Variants in ABL1 observed in about 807,000 individuals in gnomAD.
ABL1 encodes the protein tyrosine-protein kinase ABL1.
A neutral mutation model predicts 94.7 loss-of-function variants in ABL1; 11 were observed. The ratio of observed to expected loss-of-function variants is 0.12; its 90% CI spans 0.07 to 0.19. ABL1 has a LOEUF of 0.19. Ranked by LOEUF, ABL1 falls within the 10% of genes least tolerant of loss-of-function variation. The probability of loss-of-function intolerance (pLI) is 1.00; values close to 1 mark genes in which losing one functional copy is unlikely to be tolerated. For missense variants in ABL1, 1,082 were observed against 1,489.4 expected, an observed-to-expected ratio of 0.73 and a Z score of 4.50; for synonymous variants, 656 against 622.4, an observed-to-expected ratio of 1.05 and a Z score of -0.80.
At chr9:130,714,674 C>G (rs576885729) in intron 1 of ABL1, among the ~76,000 whole-genome samples, 4 of 152,292 alleles carry the variant, frequency 2.6e-5, no homozygotes, top group Admixed American at 2.6e-4. Flanking sequence ...TATTTCTTGC[C>G]TGATTCCTCT....
At chr9:130,738,151 T>C (rs1831769454) in intron 1 of ABL1, among the ~76,000 whole-genome samples, 1 of 152,094 alleles carries the variant, frequency 6.6e-6, no homozygotes, top group African/African-American at 2.4e-5. Flanking sequence ...TGGTGGTCTA[T>C]TAGGAGAAAA....
At chr9:130,725,469 C>T (rs1185686184) in intron 1 of ABL1, among the ~76,000 whole-genome samples, 1 of 152,170 alleles carries the variant, frequency 6.6e-6, no homozygotes, top group Non-Finnish European at 1.5e-5. Flanking sequence ...CAACCTCTGC[C>T]TCCCAGGTTC....
intron 4 of ABL1, among the ~76,000 whole-genome samples, chr9:130,864,225 T>C (rs1831120704): frequency 2.0e-5 from 3 of 152,134 alleles, no homozygotes; most frequent in African/African-American, 7.2e-5. Context: ...TTAAGGACCC[T>C]GGATATTTCT....
Position 130,885,751 on chromosome 9 carries a change from C to A in ABL1, c.*68C>A, listed in dbSNP as rs1421873855. On this transcript the variant is annotated 3_prime_UTR_variant, in exon 11 of 11. Coordinates refer to ENST00000318560, the MANE Select transcript of ABL1 (RefSeq NM_005157.6). ...CAGCACATGCGGGCTCGCCCATACC[C>A]GTGACAGTGGCTGACAAGGGACTAG... The A allele has an allele frequency of 5.2e-6, 8 of 1,528,754 alleles. No homozygotes were observed. Among genetic ancestry groups the A allele is most frequent in the Non-Finnish European group, 7.0e-6 (8 of 1,138,744 alleles). The allele number at this position is 1,528,754 out of a possible 1,614,324, so 94.7% of individuals were successfully genotyped here.
chr9:130,799,823 G>GTGTGTTA (rs1830031132), intron 1 of ABL1, among the ~76,000 whole-genome samples: 1 of 152,118 alleles, frequency 6.6e-6, no homozygotes, highest in South Asian at 2.1e-4. Flanking sequence ...CCTTGACAGA[G>GTGTGTTA]TGTGTTAGTC....
intron 10 of ABL1, 55 bp from the exon 11 acceptor site, chr9:130,883,914 C>T (rs1337786073): frequency 1.9e-6 from 3 of 1,541,192 alleles, no homozygotes; most frequent in South Asian, 2.6e-5. Context: ...AGCGATTCTC[C>T]TCTGTCAGCC....
intron 1 of ABL1, among the ~76,000 whole-genome samples, chr9:130,758,625 G>T (rs1832071616): frequency 6.6e-6 from 1 of 152,104 alleles, no homozygotes; most frequent in Non-Finnish European, 1.5e-5. Flanking sequence ...TAGAGACGGG[G>T]TTTTGCCATG....
At chr9:130,716,243 C>T (rs1011672731) in intron 1 of ABL1, among the ~76,000 whole-genome samples, 3 of 151,818 alleles carry the variant, frequency 2.0e-5, no homozygotes, top group South Asian at 2.1e-4. Flanking sequence ...TACAGGCACG[C>T]GTCACTGACG....
At position 130,885,789 on chromosome 9, in the gene ABL1, T is replaced by C. The variant is rs1393992972; in HGVS notation, c.*106T>C. The C allele has an allele frequency of 4.2e-6, 6 of 1,418,046 alleles. No homozygotes were observed. Among genetic ancestry groups the C allele is most frequent in the African/African-American group, 1.4e-5 (1 of 69,264 alleles). The allele number at this position is 1,418,046 out of a possible 1,614,324, so 87.8% of individuals were successfully genotyped here. A position where few individuals can be genotyped will look rare whatever the true frequency, so the allele number is the denominator to read the frequency against. ...GACAAGGGACTAGTGAGTCAGCACC[T>C]TGGCCCAGGAGCTCTGCGCCAGGCA... On this transcript the variant is annotated 3_prime_UTR_variant, in exon 11 of 11. Coordinates refer to ENST00000318560, the MANE Select transcript of ABL1 (RefSeq NM_005157.6).
chr9:130,815,163 A>G (rs1170612806), intron 1 of ABL1, among the ~76,000 whole-genome samples: 1 of 151,546 alleles, frequency 6.6e-6, no homozygotes, highest in Non-Finnish European at 1.5e-5. Context: ...GTGAAACCCC[A>G]TCTCTACTAA....
chr9:130,885,109 C>A lies in ABL1; in HGVS notation c.2819C>A (p.Ala940Asp). 1 of 1,611,962 alleles carries A rather than the reference C, an allele frequency of 6.2e-7. No individual in the cohort carries two copies. Among genetic ancestry groups the A allele is most frequent in the Non-Finnish European group, 8.5e-7 (1 of 1,179,378 alleles). ...AKTKATSLVD[A>D]VNSDAAKPSQ... is the part of the protein sequence containing the mutation. Reference sequence around the variant, plus strand: ...ACAAAAGCCACGAGTCTGGTTGATGCTGTGAACAGTGACGCTGCCAAGCCC... The same window carrying A: ...ACAAAAGCCACGAGTCTGGTTGATGATGTGAACAGTGACGCTGCCAAGCCC... The change falls in exon 11 of 11, where the codon GCT becomes GAT. Residue 940 changes from alanine to aspartate, a missense_variant. By Grantham distance (126) the Ala-to-Asp change is moderately radical. Transcript: ENST00000318560.
chr9:130,790,079 A>C (rs1829885419), intron 1 of ABL1, among the ~76,000 whole-genome samples: 1 of 152,258 alleles, frequency 6.6e-6, no homozygotes, highest in African/African-American at 2.4e-5. Flanking sequence ...ACAACAGTTT[A>C]AACGGAGGCC....
chr9:130,801,442 G>A (rs926255398), intron 1 of ABL1, among the ~76,000 whole-genome samples: 2 of 152,086 alleles, frequency 1.3e-5, no homozygotes, highest in Admixed American at 1.3e-4. Flanking sequence ...TGGCCAGGAT[G>A]GTCTCGATCT....
At chr9:130,769,164 A>G (rs1031979369) in intron 1 of ABL1, among the ~76,000 whole-genome samples, 3 of 152,154 alleles carry the variant, frequency 2.0e-5, no homozygotes, top group African/African-American at 7.2e-5. Context: ...AGTTAGATCA[A>G]TAACTTGTAA....
chr9:130,802,959 C>T (rs967408335), intron 1 of ABL1, among the ~76,000 whole-genome samples: 5 of 152,156 alleles, frequency 3.3e-5, no homozygotes, highest in African/African-American at 1.2e-4. Flanking sequence ...GCTCAAGGGT[C>T]AGTCAGGGAT....
chr9:130,753,407 C>CTTTTT (rs1202717752), intron 1 of ABL1, among the ~76,000 whole-genome samples: 1 of 139,832 alleles, frequency 7.2e-6, no homozygotes. Context: ...CTCATCTCTT[C>CTTTTT]TTTTTTTTTC....
intron 1 of ABL1, among the ~76,000 whole-genome samples, chr9:130,841,188 C>A (rs991353523): frequency 2.6e-5 from 4 of 151,852 alleles, no homozygotes; most frequent in South Asian, 2.1e-4. Context: ...CACTCTGTCG[C>A]CCAGACTGGA....
intron 1 of ABL1, among the ~76,000 whole-genome samples, chr9:130,728,563 TG>T (rs1170144874): frequency 6.6e-6 from 1 of 151,680 alleles, no homozygotes; most frequent in Non-Finnish European, 1.5e-5. Context: ...TTTTTTTGTA[TG>T]TTTTTTTAGA....
chr9:130,800,352 A>G (rs4740372), intron 1 of ABL1, among the ~76,000 whole-genome samples: 19,003 of 152,076 alleles, frequency 0.12, 1,282 homozygotes, highest in African/African-American at 0.15. Flanking sequence ...CCAAGATTAT[A>G]AAACAGTTCT....
Sources: allele counts gnomAD v4.1 joint callset (sites outside exome capture counted in the v4.1 genomes callset), GRCh38; gene constraint gnomAD v4.1.1; transcripts MANE v1.5; gene names NCBI Gene and HGNC (gene_info 2026-07-23, HGNC 2026-07-21).